Variants in ROBO1 observed in about 807,000 individuals in gnomAD.
ROBO1 encodes roundabout guidance receptor 1.
A neutral mutation model predicts 195.9 loss-of-function variants in ROBO1; 149 were observed. The observed-to-expected ratio is 0.76, with a 90% CI of 0.67 to 0.87. The LOEUF (loss-of-function observed/expected upper bound fraction) is 0.87. Among genes scored for constraint, ROBO1 ranks in the 40% least tolerant of loss-of-function variants. ROBO1 has a pLI of 0.00. For synonymous variants in ROBO1, 816 were observed against 733.2 expected (o/e 1.11, Z -1.82); for missense variants, 1,933 against 2,068.3 (o/e 0.93, Z 1.27).
chr3:79,711,303 C>T (rs114937929), intron 1 of ROBO1, among the ~76,000 whole-genome samples: 4,239 of 151,954 alleles, frequency 0.028, 189 homozygotes, highest in African/African-American at 0.096. Flanking sequence ...CAACTTGTTA[C>T]GTTGTAAAAG....
intron 25 of ROBO1, among the ~76,000 whole-genome samples, chr3:78,628,142 T>C (rs763339759): frequency 3.3e-5 from 5 of 152,018 alleles, no homozygotes; most frequent in Non-Finnish European, 7.4e-5. Context: ...TTAGTAGAGA[T>C]GGGGTTTCAC....
chr3:79,018,783 C>T (rs1042683359), intron 3 of ROBO1: 28 of 1,093,238 alleles, frequency 2.6e-5, no homozygotes, highest in Non-Finnish European at 3.0e-5. Context: ...TTCCTGCCTC[C>T]ACGGTCTTGC....
intron 1 of ROBO1, among the ~76,000 whole-genome samples, chr3:79,762,632 A>ACACACACACAC (rs1553650940): frequency 8.5e-6 from 1 of 118,180 alleles, no homozygotes; most frequent in South Asian, 2.6e-4. Flanking sequence ...ACACACACAC[A>ACACACACACAC]AAAGCCGAGA....
At chr3:78,947,995 G>C (rs1440796447) in intron 3 of ROBO1, among the ~76,000 whole-genome samples, 1 of 152,094 alleles carries the variant, frequency 6.6e-6, no homozygotes, top group East Asian at 1.9e-4. Flanking sequence ...TCTCTGAATA[G>C]ACCAATAACA....
chr3:79,754,660 A>G (rs1020866711), intron 1 of ROBO1, among the ~76,000 whole-genome samples: 1 of 152,180 alleles, frequency 6.6e-6, no homozygotes, highest in African/African-American at 2.4e-5. Context: ...GATGAAATAT[A>G]AAGTGCCTGG....
intron 2 of ROBO1, among the ~76,000 whole-genome samples, chr3:79,506,732 T>C (rs553562938): frequency 6.6e-6 from 1 of 152,326 alleles, no homozygotes; most frequent in East Asian, 1.9e-4. Flanking sequence ...CGTGAGTCAC[T>C]GTGCCCGGCT....
At chr3:79,516,472 A>G (rs542819499) in intron 2 of ROBO1, among the ~76,000 whole-genome samples, 3 of 152,136 alleles carry the variant, frequency 2.0e-5, no homozygotes, top group East Asian at 3.9e-4. Context: ...CTCTACCCCA[A>G]TTTTCACACA....
At chr3:79,758,128 A>C (rs1226038673) in intron 1 of ROBO1, among the ~76,000 whole-genome samples, 1 of 152,150 alleles carries the variant, frequency 6.6e-6, no homozygotes, top group Non-Finnish European at 1.5e-5. Context: ...ATGCCCTGTA[A>C]AACTATTTTA....
chr3:78,603,102 A>C (rs1018415482), intron 29 of ROBO1, among the ~76,000 whole-genome samples: 2 of 152,114 alleles, frequency 1.3e-5, no homozygotes, highest in Non-Finnish European at 2.9e-5. Context: ...GGTTGCACAC[A>C]TCTTCAAACA....
intron 2 of ROBO1, among the ~76,000 whole-genome samples, chr3:79,475,890 A>G (rs886377164): frequency 6.6e-6 from 1 of 152,096 alleles, no homozygotes; most frequent in African/African-American, 2.4e-5. Flanking sequence ...GTTTTCTTAC[A>G]TGTCTTTTTA....
chr3:78,720,493 GTGGGAC>G (rs1201281325), intron 5 of ROBO1, among the ~76,000 whole-genome samples: 1 of 152,164 alleles, frequency 6.6e-6, no homozygotes, highest in Non-Finnish European at 1.5e-5. Context: ...TACACTGTTG[GTGGGAC>G]TGTAAACTAG....
chr3:78,675,853 G>A (rs994094267), intron 10 of ROBO1, among the ~76,000 whole-genome samples: 1 of 152,118 alleles, frequency 6.6e-6, no homozygotes, highest in African/African-American at 2.4e-5. Flanking sequence ...GGAGATCTGA[G>A]AAAGGGCAGA....
intron 1 of ROBO1, among the ~76,000 whole-genome samples, chr3:79,652,141 A>G (rs1946028901): frequency 6.6e-6 from 1 of 152,150 alleles, no homozygotes; most frequent in Admixed American, 6.6e-5. Flanking sequence ...ATTTTAAAAA[A>G]TATACCACAC....
Position 78,954,013 on chromosome 3 carries a change from C to T in ROBO1, c.173-15086G>A, listed in dbSNP as rs532198002. 3.2e-4 allele frequency among the ~76,000 whole-genome samples: 49 copies of T among 151,926 alleles called. 1 individual carries two copies. The South Asian group carries it at 9.8e-3, about 30-fold the overall frequency. On this transcript the variant is annotated intron_variant, in intron 3 of 30. Coordinates refer to ENST00000464233, the MANE Select transcript of ROBO1 (RefSeq NM_002941.4). ...TTTGTAGATGAATTAATTATTTTCCCTAGATTTTTAAGAAACACTGAAAAT... is the reference window on the plus strand; with the variant it reads ...TTTGTAGATGAATTAATTATTTTCCTTAGATTTTTAAGAAACACTGAAAAT...
intron 3 of ROBO1, among the ~76,000 whole-genome samples, chr3:79,038,319 G>C (rs1030297986): frequency 6.6e-6 from 1 of 152,162 alleles, no homozygotes; most frequent in African/African-American, 2.4e-5. Context: ...GTAGAACCTC[G>C]TGGTGGTGGT....
chr3:78,641,125 T>A (rs1003097942), intron 21 of ROBO1, among the ~76,000 whole-genome samples: 1 of 152,158 alleles, frequency 6.6e-6, no homozygotes, highest in Non-Finnish European at 1.5e-5. Flanking sequence ...TGTTTGTTTG[T>A]TTGTTTGTTT....
At position 78,652,641 on chromosome 3, in the gene ROBO1, T is replaced by C. The variant is rs955600158; in HGVS notation, c.2615-712A>G. On this transcript the variant is annotated intron_variant, in intron 18 of 30. Transcript: ENST00000464233. ...GCCATGAATAATCTCTGCATTAAAA[T>C]AATAATCATGGCGAGCAACAGATAA... Among the ~76,000 whole-genome samples the C allele has an allele frequency of 5.3e-5, 8 of 152,174 alleles. 1 individual carries two copies. Among genetic ancestry groups the C allele is most frequent in the Admixed American group, 4.6e-4 (7 of 15,260 alleles).
intron 4 of ROBO1, among the ~76,000 whole-genome samples, chr3:78,874,424 C>T (rs1333345783): frequency 6.6e-6 from 1 of 151,388 alleles, no homozygotes; most frequent in Non-Finnish European, 1.5e-5. Context: ...AAAATGTTAC[C>T]TCAAAATTTG....
At chr3:78,905,254 C>T (rs2037831853) in intron 4 of ROBO1, among the ~76,000 whole-genome samples, 1 of 152,054 alleles carries the variant, frequency 6.6e-6, no homozygotes, top group African/African-American at 2.4e-5. Context: ...CTTCTAAAAT[C>T]TAAGACTACG....
Sources: gnomAD v4.1 joint callset for allele counts (sites outside exome capture counted in the v4.1 genomes callset) on GRCh38, gnomAD v4.1.1 for gene constraint, MANE v1.5 for transcripts, NCBI Gene and HGNC (gene_info 2026-07-23, HGNC 2026-07-21) for gene names.